Variants in LRFN2 observed in about 807,000 individuals in gnomAD.
LRFN2 encodes the protein leucine-rich repeat and fibronectin type-III domain-containing protein 2.
Under a neutral mutation model 37.3 loss-of-function variants are expected in LRFN2, and 18 were observed. The observed-to-expected ratio is 0.48, with a 90% CI of 0.33 to 0.72. The LOEUF is 0.72. Ranked by LOEUF, LRFN2 falls within the 30% of genes least tolerant of loss-of-function variation. LRFN2 has a pLI of 0.02. For missense variants in LRFN2, 1,006 were observed against 1,060.7 expected, an observed-to-expected ratio of 0.95 and a Z score of 0.72; for synonymous variants, 556 against 466.6, an observed-to-expected ratio of 1.19 and a Z score of -2.47.
chr6:40,421,681 T>A (rs556681580), intron 2 of LRFN2, among the ~76,000 whole-genome samples: 31 of 152,236 alleles, frequency 2.0e-4, no homozygotes, highest in African/African-American at 7.2e-4. Context: ...GAGGAGGGTA[T>A]AATGAGGCAC....
intron 1 of LRFN2, among the ~76,000 whole-genome samples, chr6:40,459,824 G>A (rs932883821): frequency 6.6e-6 from 1 of 152,186 alleles, no homozygotes; most frequent in African/African-American, 2.4e-5. Context: ...TTTGTCTCTG[G>A]CTAGGGGCCT....
intron 2 of LRFN2, among the ~76,000 whole-genome samples, chr6:40,412,467 C>T (rs997282162): frequency 2.6e-5 from 4 of 152,154 alleles, no homozygotes; most frequent in African/African-American, 7.2e-5. Flanking sequence ...CTGACAAGTA[C>T]ATCGTCTGGA....
At chr6:40,494,815 C>G (rs1765185553) in intron 1 of LRFN2, among the ~76,000 whole-genome samples, 1 of 152,202 alleles carries the variant, frequency 6.6e-6, no homozygotes. Context: ...TGATTGAGAG[C>G]CCCAATCCAT....
At chr6:40,452,594 G>A (rs1161060507) in intron 1 of LRFN2, among the ~76,000 whole-genome samples, 1 of 152,194 alleles carries the variant, frequency 6.6e-6, no homozygotes, top group Non-Finnish European at 1.5e-5. Context: ...CAGAACAACT[G>A]AGGGATTTGA....
chr6:40,432,467 G>A lies in LRFN2; in HGVS notation c.647C>T (p.Pro216Leu). The change falls in exon 2 of 3, where the codon CCC becomes CTC. Residue 216 changes from proline to leucine, a missense_variant. By Grantham distance (98) the Pro-to-Leu change is moderately conservative. This residue lies in a region of LRFN2 where 303 missense variants were observed against 299.8 expected (regional missense o/e 1.01). Coordinates refer to ENST00000338305, the MANE Select transcript of LRFN2 (RefSeq NM_020737.3). The stretch of plus-strand genomic sequence containing the variant: ...CGAAGCCTGGGAGCGGGCAAAGATG[G>A]GATCAGGGGGCAGCTTCTGCAGCCG... The part of the protein sequence containing the change: ...SNRLQKLPPD[P>L]IFARSQASAL... 6.2e-7 allele frequency: 1 copy of A among 1,614,238 alleles called. No homozygotes were observed. The highest frequency in any genetic ancestry group is 8.5e-7 in the Non-Finnish European group (1 of 1,180,048).
chr6:40,513,910 G>A (rs1040178846), intron 1 of LRFN2, among the ~76,000 whole-genome samples: 2 of 151,992 alleles, frequency 1.3e-5, no homozygotes, highest in Admixed American at 6.5e-5. Context: ...GCAAAGTCTC[G>A]GGGGTCTGAA....
At chr6:40,508,560 T>A (rs185213938) in intron 1 of LRFN2, among the ~76,000 whole-genome samples, 73 of 152,298 alleles carry the variant, frequency 4.8e-4, no homozygotes, top group African/African-American at 1.7e-3. Flanking sequence ...AGATTCAAAT[T>A]CTTGTTCTAC....
chr6:40,511,962 G>A (rs1765720302), intron 1 of LRFN2, among the ~76,000 whole-genome samples: 3 of 152,352 alleles, frequency 2.0e-5, no homozygotes, highest in Non-Finnish European at 4.4e-5. Flanking sequence ...GGAAAAGAAG[G>A]CTGAGGAAGA....
At chr6:40,437,579 T>C (rs1421310995) in intron 1 of LRFN2, among the ~76,000 whole-genome samples, 1 of 152,192 alleles carries the variant, frequency 6.6e-6, no homozygotes, top group Non-Finnish European at 1.5e-5. Flanking sequence ...TTTTAAGTAA[T>C]CAGCATGGAA....
intron 2 of LRFN2, among the ~76,000 whole-genome samples, chr6:40,421,386 G>A (rs982308629): frequency 9.2e-5 from 14 of 152,136 alleles, no homozygotes; most frequent in African/African-American, 3.4e-4. Context: ...TACATTTGAG[G>A]GAGACCTAAT....
chr6:40,392,114 C>T lies in LRFN2; in HGVS notation c.2199G>A (p.Ala733=), dbSNP rs764759783. ...SFDMGDFAAA[A]AGGVVPGGYS... Reference sequence around the variant, plus strand: ...AGCCGCCCGGCACGACCCCTCCCGCCGCCGCAGCAGCAAAGTCCCCCATGT... The same window carrying T: ...AGCCGCCCGGCACGACCCCTCCCGCTGCCGCAGCAGCAAAGTCCCCCATGT... The change falls in exon 3 of 3, where the codon GCG becomes GCA. Residue 733 remains alanine (A), a synonymous_variant. Transcript: ENST00000338305. The surrounding 1 kb of genome is among the most constrained non-coding windows in gnomAD (Gnocchi z 4.7). 53 of 1,613,132 alleles carry T rather than the reference C, an allele frequency of 3.3e-5. No homozygotes were observed. The East Asian group carries it at 1.0e-3, about 32-fold the overall frequency.
At position 40,392,486 on chromosome 6, in the gene LRFN2, C is replaced by T. The variant is rs1479243776; in HGVS notation, c.1827G>A (p.Leu609=). ...PPKVVVRNEL[L]DFTASLARAS... ...CGCGGGCCAGGCTGGCGGTGAAGTC[C>T]AGGAGCTCGTTGCGCACCACCACCT... Residue 609 remains leucine, a synonymous_variant, in exon 3 of 3, where the codon CTG becomes CTA. Transcript: ENST00000338305. This position sits in a 1 kb window ranked among gnomAD's most constrained non-coding sequence, Gnocchi z 4.7. 3.2e-6 allele frequency: 5 copies of T among 1,575,360 alleles called. No individual in the cohort carries two copies. The highest frequency in any genetic ancestry group is 1.4e-5 in the African/African-American group (1 of 73,896).
chr6:40,548,967 A>G (rs941925490), intron 1 of LRFN2, among the ~76,000 whole-genome samples: 1 of 152,234 alleles, frequency 6.6e-6, no homozygotes, highest in Non-Finnish European at 1.5e-5. Flanking sequence ...AGTTAGATCA[A>G]ACTGGGTTTT....
At chr6:40,453,195 T>C (rs1329509866) in intron 1 of LRFN2, among the ~76,000 whole-genome samples, 6 of 152,126 alleles carry the variant, frequency 3.9e-5, no homozygotes, top group Non-Finnish European at 8.8e-5. Flanking sequence ...ACTGTCACTC[T>C]AGAAATGTCA....
intron 1 of LRFN2, among the ~76,000 whole-genome samples, chr6:40,543,554 G>GA (rs1406541994): frequency 6.6e-6 from 1 of 152,168 alleles, no homozygotes; most frequent in Non-Finnish European, 1.5e-5. Context: ...ACAAGCCTGT[G>GA]ATTTTTCACC....
chr6:40,440,618 G>A (rs1763812438), intron 1 of LRFN2, among the ~76,000 whole-genome samples: 1 of 152,212 alleles, frequency 6.6e-6, no homozygotes, highest in Non-Finnish European at 1.5e-5. Context: ...GGCAGGCTGG[G>A]TATGCTAAGG....
rs1024345814 is a variant in LRFN2, at chr6:40,516,804, C to T, written c.-19+70137G>A. On this transcript the variant is annotated intron_variant, in intron 1 of 2. Coordinates refer to ENST00000338305, the MANE Select transcript of LRFN2 (RefSeq NM_020737.3). ...GGGTCCCCATTCTGAGCCTTGCTTG[C>T]TATGTCACCTTAGAAATACACCTCC... is the stretch of plus-strand genomic sequence containing the variant. Among the ~76,000 whole-genome samples, 4 of 152,116 alleles carry T rather than the reference C, an allele frequency of 2.6e-5. No individual in the cohort carries two copies. The South Asian group carries it at 8.3e-4, about 32-fold the overall frequency.
At chr6:40,408,270 G>T (rs939371453) in intron 2 of LRFN2, among the ~76,000 whole-genome samples, 1 of 152,154 alleles carries the variant, frequency 6.6e-6, no homozygotes, top group African/African-American at 2.4e-5. Flanking sequence ...ATATCGCAAA[G>T]CCAATTCTAC....
rs140038634 is a variant in LRFN2 at position 40,432,106 on chromosome 6, G to C, written c.1008C>G (p.Thr336=). ...DDRLVGNSSR[T]AVYDNGTLDI... Reference sequence around the variant, plus strand: ...CCAGGGTGCCATTGTCATAGACAGCGGTCCTTGAGGAGTTCCCTACCAGGC... The same window carrying C: ...CCAGGGTGCCATTGTCATAGACAGCCGTCCTTGAGGAGTTCCCTACCAGGC... The change falls in exon 2 of 3, where the codon ACC becomes ACG. Residue 336 remains threonine, a synonymous_variant. Coordinates refer to ENST00000338305, the MANE Select transcript of LRFN2 (RefSeq NM_020737.3). 6.2e-7 allele frequency: 1 copy of C among 1,613,880 alleles called. No homozygotes were observed. Among genetic ancestry groups the C allele is most frequent in the Non-Finnish European group, 8.5e-7 (1 of 1,179,924 alleles).
Sources: allele counts gnomAD v4.1 joint callset (sites outside exome capture counted in the v4.1 genomes callset), GRCh38; gene constraint gnomAD v4.1.1; regional missense constraint gnomAD v4.1.1; non-coding constraint Gnocchi (gnomAD v3.1); transcripts MANE v1.5; gene names NCBI Gene and HGNC (gene_info 2026-07-23, HGNC 2026-07-21).